The following NTSR1 variants were observed in gnomAD, a reference collection of about 807,000 sequenced individuals.
The protein encoded by NTSR1 is neurotensin receptor type 1.
In NTSR1, 29 loss-of-function variants were observed where a neutral mutation model predicts 31.2. The ratio of observed to expected loss-of-function variants is 0.93; its 90% CI spans 0.69 to 1.27. The LOEUF is 1.27. Ranked by LOEUF, NTSR1 falls within the 50% of genes most tolerant of loss-of-function variation. The pLI is 0.00. For synonymous variants in NTSR1, 282 were observed against 269.9 expected (o/e 1.04, Z -0.44); for missense variants, 697 against 595.4 (o/e 1.17, Z -1.78).
At chr20:62,746,717 G>A (rs1279480778) in intron 1 of NTSR1, among the ~76,000 whole-genome samples, 7 of 152,176 alleles carry the variant, frequency 4.6e-5, no homozygotes, top group East Asian at 3.8e-4. Context: ...AGTCAATCGC[G>A]AGAAATGGAA....
chr20:62,747,049 A>C (rs1187730858), intron 1 of NTSR1, among the ~76,000 whole-genome samples: 2 of 152,254 alleles, frequency 1.3e-5, no homozygotes, highest in Non-Finnish European at 2.9e-5. Context: ...CACCATGAGC[A>C]GGTGGGATTT....
At position 62,758,372 on chromosome 20, in the gene NTSR1, C is replaced by G. The variant is rs1172638233; in HGVS notation, c.1007+16C>G. 3 of 1,610,580 alleles carry G rather than the reference C, an allele frequency of 1.9e-6. No homozygotes were observed. The highest frequency in any genetic ancestry group is 2.7e-5 in the African/African-American group (2 of 74,864). On this transcript the variant is annotated intron_variant, in intron 3 of 3. Transcript: ENST00000370501. The surrounding 1 kb of genome is among the most constrained non-coding windows in gnomAD (Gnocchi z 4.5). ...AGTGGACTCCGTGAGTACCGGGAAC[C>G]AGGAAGTTGGGTGCTGGACAAGTAA...
intron 1 of NTSR1, among the ~76,000 whole-genome samples, chr20:62,719,154 A>G (rs2427410): frequency 0.73 from 109,333 of 150,420 alleles, 41,085 homozygotes; most frequent in East Asian, 0.95. Flanking sequence ...CGTTTATTTA[A>G]GTTTTTGTTA....
At chr20:62,734,657 G>A (rs1017537257) in intron 1 of NTSR1, among the ~76,000 whole-genome samples, 4 of 152,338 alleles carry the variant, frequency 2.6e-5, no homozygotes, top group Admixed American at 6.5e-5. Context: ...TGGGCCACAC[G>A]TGGCCACTGG....
At chr20:62,738,844 C>A in intron 1 of NTSR1, among the ~76,000 whole-genome samples, 1 of 152,216 alleles carries the variant, frequency 6.6e-6, no homozygotes, top group African/African-American at 2.4e-5. Flanking sequence ...ACCAGCCCAT[C>A]CCCTTCCATC....
chr20:62,745,042 C>A lies in NTSR1; in HGVS notation c.715-9643C>A, dbSNP rs556211676. 6.6e-6 allele frequency among the ~76,000 whole-genome samples: 1 copy of A among 152,326 alleles called. No homozygotes were observed. The highest frequency in any genetic ancestry group is 1.9e-4 in the East Asian group (1 of 5,182). Reference sequence around the variant, plus strand: ...CAGACACCCCTGTCTCCCACCATGACCTTCTGCTCTGGAACATCCACCCCT... The same window carrying A: ...CAGACACCCCTGTCTCCCACCATGAACTTCTGCTCTGGAACATCCACCCCT... On this transcript the variant is annotated intron_variant, in intron 1 of 3. Coordinates refer to ENST00000370501, the MANE Select transcript of NTSR1 (RefSeq NM_002531.3). This position sits in a 1 kb window ranked among gnomAD's most constrained non-coding sequence, Gnocchi z 4.1.
Position 62,760,001 on chromosome 20 carries a change from CCT to C in NTSR1, c.1008-9_1008-8del. 1 of 1,611,360 alleles carries C rather than the reference CCT, an allele frequency of 6.2e-7. No individual in the cohort carries two copies. Among genetic ancestry groups the C allele is most frequent in the African/African-American group, 1.3e-5 (1 of 74,980 alleles). On this transcript the variant is annotated splice_polypyrimidine_tract_variant and intron_variant, in intron 3 of 3. Coordinates refer to ENST00000370501, the MANE Select transcript of NTSR1 (RefSeq NM_002531.3). ...AAGAGTTCTCTCTGGGATCTGAGCG[CCT>C]CTCTCTCCCCGCAGGTTCCTCTATG... is the stretch of plus-strand genomic sequence containing the variant.
At chr20:62,751,644 G>C (rs1989396014) in intron 1 of NTSR1, among the ~76,000 whole-genome samples, 2 of 152,278 alleles carry the variant, frequency 1.3e-5, no homozygotes, top group Non-Finnish European at 2.9e-5. Context: ...GCCCTCATCA[G>C]ACAAATGTGA....
rs751112313 is a variant in NTSR1, at chr20:62,711,462, A to G, written c.714+1541A>G. On this transcript the variant is annotated intron_variant, in intron 1 of 3. Transcript: ENST00000370501. The surrounding 1 kb of genome is among the most constrained non-coding windows in gnomAD (Gnocchi z 6.4). ...TCCGCGTGGAGGGGCCCCAGGGGCGACAGCCACTCAGTCCTTCAGAAGGTG... is the reference window on the plus strand; with the variant it reads ...TCCGCGTGGAGGGGCCCCAGGGGCGGCAGCCACTCAGTCCTTCAGAAGGTG... 6.6e-6 allele frequency among the ~76,000 whole-genome samples: 1 copy of G among 151,980 alleles called. No homozygotes were observed. Among genetic ancestry groups the G allele is most frequent in the East Asian group, 1.9e-4 (1 of 5,176 alleles).
chr20:62,712,683 A>G (rs993562700), intron 1 of NTSR1, among the ~76,000 whole-genome samples: 2 of 152,220 alleles, frequency 1.3e-5, no homozygotes, highest in Non-Finnish European at 2.9e-5. Flanking sequence ...CTGGGGGCTC[A>G]GGGACCTACG....
At chr20:62,730,320 C>G (rs1012195860) in intron 1 of NTSR1, among the ~76,000 whole-genome samples, 2 of 152,176 alleles carry the variant, frequency 1.3e-5, no homozygotes, top group African/African-American at 2.4e-5. Flanking sequence ...TTTGTCTTAC[C>G]CAGAACGTCA....
chr20:62,717,046 G>A (rs575817775), intron 1 of NTSR1, among the ~76,000 whole-genome samples: 56 of 152,350 alleles, frequency 3.7e-4, no homozygotes, highest in Admixed American at 3.1e-3. Flanking sequence ...GGGACCACCG[G>A]GCTCTGCAGC....
At position 62,760,407 on chromosome 20, in the gene NTSR1, C is replaced by A; in HGVS notation, c.*140C>A. 3.9e-6 allele frequency: 3 copies of A among 772,788 alleles called. No homozygotes were observed. Among genetic ancestry groups the A allele is most frequent in the Non-Finnish European group, 5.9e-6 (3 of 505,858 alleles). 47.9% of individuals were successfully genotyped at this position (772,788 alleles called of 1,614,324 possible). On this transcript the variant is annotated 3_prime_UTR_variant, in exon 4 of 4. Coordinates refer to ENST00000370501, the MANE Select transcript of NTSR1 (RefSeq NM_002531.3). ...ACTGGAGTCTGAGGCCTGGGACCCC[C>A]CCCTCCCACCCCCTAACCCATGTTT...
chr20:62,753,815 C>T lies in NTSR1; in HGVS notation c.715-870C>T, dbSNP rs1323614371. 2.6e-5 allele frequency among the ~76,000 whole-genome samples: 4 copies of T among 152,250 alleles called. No homozygotes were observed. The East Asian group carries it at 5.8e-4, about 22-fold the overall frequency. Reference sequence around the variant, plus strand: ...CTGGCTGGTTCTGCTGCTGCCAGTCCGCAGACATGTCCCCTTCCTGTTCTG... The same window carrying T: ...CTGGCTGGTTCTGCTGCTGCCAGTCTGCAGACATGTCCCCTTCCTGTTCTG... On this transcript the variant is annotated intron_variant, in intron 1 of 3. Transcript: ENST00000370501.
intron 1 of NTSR1, among the ~76,000 whole-genome samples, chr20:62,750,560 G>A (rs975516202): frequency 4.6e-5 from 7 of 151,932 alleles, no homozygotes; most frequent in Non-Finnish European, 8.8e-5. Context: ...GCATGGTGGC[G>A]GGCGCCTGTA....
In NTSR1 at chr20:62,714,014, C is replaced by A. The variant is rs11698099; in HGVS notation, c.714+4093C>A. Among the ~76,000 whole-genome samples the A allele has an allele frequency of 6.6e-6, 1 of 152,180 alleles. No homozygotes were observed. Among genetic ancestry groups the A allele is most frequent in the Non-Finnish European group, 1.5e-5 (1 of 68,038 alleles). On this transcript the variant is annotated intron_variant, in intron 1 of 3. Transcript: ENST00000370501. This position sits in a 1 kb window ranked among gnomAD's most constrained non-coding sequence, Gnocchi z 4.1. ...ACTTGGGAGGCTGAGGCAGGAGAATCGCTTGAGCTTGGGAGGCGGAGGTTG... is the reference window on the plus strand; with the variant it reads ...ACTTGGGAGGCTGAGGCAGGAGAATAGCTTGAGCTTGGGAGGCGGAGGTTG...
rs149648053 is a variant in NTSR1, at chr20:62,744,290, C to T, written c.715-10395C>T. ...GGCTGAGGGGCTGGACGCAGTGGCT[C>T]GTGTTTGTAATCCCAGCACTTTGGG... On this transcript the variant is annotated intron_variant, in intron 1 of 3. Coordinates refer to ENST00000370501, the MANE Select transcript of NTSR1 (RefSeq NM_002531.3). This position sits in a 1 kb window ranked among gnomAD's most constrained non-coding sequence, Gnocchi z 4.1. 4.6e-5 allele frequency among the ~76,000 whole-genome samples: 7 copies of T among 152,272 alleles called. No individual in the cohort carries two copies. Among genetic ancestry groups the T allele is most frequent in the Middle Eastern group, 3.4e-3 (1 of 292 alleles).
At chr20:62,747,001 T>C (rs778853140) in intron 1 of NTSR1, among the ~76,000 whole-genome samples, 2 of 152,214 alleles carry the variant, frequency 1.3e-5, no homozygotes, top group African/African-American at 2.4e-5. Flanking sequence ...AACAAAATAC[T>C]GGCAAACTTC....
chr20:62,730,565 C>T (rs1293081814), intron 1 of NTSR1, among the ~76,000 whole-genome samples: 1 of 152,218 alleles, frequency 6.6e-6, no homozygotes, highest in Non-Finnish European at 1.5e-5. Context: ...GTGCAGGTTT[C>T]TGTGTGGCTT....
Sources: allele counts gnomAD v4.1 joint callset (sites outside exome capture counted in the v4.1 genomes callset), GRCh38; gene constraint gnomAD v4.1.1; non-coding constraint Gnocchi (gnomAD v3.1); transcripts MANE v1.5; gene names NCBI Gene and HGNC (gene_info 2026-07-23, HGNC 2026-07-21).